The following CDKN2B-AS1 variants were observed in gnomAD, a reference collection of about 807,000 sequenced individuals.
CDKN2B-AS1 encodes CDKN2B and CDKN2A antisense cis and trans regulatory RNA 1, also known as CDKN2B antisense RNA 1 (non-protein coding).
chr9:22,095,982 C>T (rs1451343468), intron 4 of CDKN2B-AS1, among the ~76,000 whole-genome samples: 2 of 151,946 alleles, frequency 1.3e-5, no homozygotes, highest in African/African-American at 4.8e-5. Context: ...ATGTGTGTTT[C>T]TGCACATGGT....
At chr9:22,127,750 A>AG (rs2131379727) in exon 5 of CDKN2B-AS1, among the ~76,000 whole-genome samples, 1 of 152,302 alleles carries the variant, frequency 6.6e-6, no homozygotes, top group East Asian at 1.9e-4. Context: ...TTGTGGATTC[A>AG]TTGATGAGAT....
chr9:22,090,754 T>C (rs7020031), intron 4 of CDKN2B-AS1, among the ~76,000 whole-genome samples: 17,358 of 152,118 alleles, frequency 0.11, 3,355 homozygotes, highest in African/African-American at 0.4. Context: ...AGATTGCAAA[T>C]ATTTTCTCCC....
intron 2 of CDKN2B-AS1, among the ~76,000 whole-genome samples, chr9:22,048,819 T>G (rs1823216449): frequency 6.6e-6 from 1 of 152,184 alleles, no homozygotes; most frequent in East Asian, 1.9e-4. Context: ...CCTTGTCATG[T>G]TGGTGGCTGT....
chr9:22,031,675 G>A (rs1320951240), intron 1 of CDKN2B-AS1, among the ~76,000 whole-genome samples: 3 of 152,206 alleles, frequency 2.0e-5, no homozygotes, highest in Non-Finnish European at 4.4e-5. Flanking sequence ...AGATCACCAA[G>A]TTGCGGTAGG....
At chr9:22,111,578 C>T (rs72654229) in intron 4 of CDKN2B-AS1, among the ~76,000 whole-genome samples, 1 of 86,188 alleles carries the variant, frequency 1.2e-5, no homozygotes, top group Non-Finnish European at 2.0e-5. Context: ...TTCACATTAT[C>T]CATATATATG....
At chr9:22,079,373 G>C (rs868528054) in intron 4 of CDKN2B-AS1, among the ~76,000 whole-genome samples, 1 of 151,938 alleles carries the variant, frequency 6.6e-6, no homozygotes, top group Non-Finnish European at 1.5e-5. Context: ...CTGTAGTTCC[G>C]GCTACTCGGG....
intron 4 of CDKN2B-AS1, among the ~76,000 whole-genome samples, chr9:22,109,524 C>A (rs188610000): frequency 6.6e-6 from 1 of 152,196 alleles, no homozygotes; most frequent in East Asian, 1.9e-4. Flanking sequence ...ACAAACTCTG[C>A]CTTAGATTGG....
At chr9:22,019,083 A>C (rs1262002878) in intron 1 of CDKN2B-AS1, among the ~76,000 whole-genome samples, 1 of 152,216 alleles carries the variant, frequency 6.6e-6, no homozygotes, top group African/African-American at 2.4e-5. Context: ...GGGACAAAGC[A>C]AGGACATATT....
chr9:22,096,498 A>G (rs1825278680), intron 4 of CDKN2B-AS1: 2 of 152,220 alleles, frequency 1.3e-5, no homozygotes, highest in South Asian at 4.1e-4. Flanking sequence ...CAGTGCTCAA[A>G]TCCATGATCT....
intron 4 of CDKN2B-AS1, among the ~76,000 whole-genome samples, chr9:22,082,858 G>A (rs1201391664): frequency 6.6e-6 from 1 of 152,094 alleles, no homozygotes; most frequent in Non-Finnish European, 1.5e-5. Flanking sequence ...ATAATCAGGT[G>A]TAAGCCACGG....
At chr9:22,050,862 T>G (rs1229525856) in intron 3 of CDKN2B-AS1, among the ~76,000 whole-genome samples, 3 of 152,178 alleles carry the variant, frequency 2.0e-5, no homozygotes, top group Admixed American at 6.5e-5. Context: ...TGGGATCCAG[T>G]GTGTGACCTG....
chr9:22,086,785 C>T (rs72652417), intron 4 of CDKN2B-AS1, among the ~76,000 whole-genome samples: 2,273 of 152,222 alleles, frequency 0.015, 56 homozygotes, highest in African/African-American at 0.052. Context: ...CTTATTTTAT[C>T]TGGAATCTTA....
chr9:22,012,315 G>T (rs763604989), intron 1 of CDKN2B-AS1: 2 of 1,455,496 alleles, frequency 1.4e-6, no homozygotes, highest in South Asian at 2.3e-5. Context: ...GAGGATGGCC[G>T]CACTCTCTCA....
chr9:22,031,707 T>C lies in CDKN2B-AS1; in HGVS notation n.30-15044T>C, dbSNP rs1047320652. On this transcript the variant is annotated intron_variant and non_coding_transcript_variant, in intron 1 of 4. Transcript: ENST00000650946. ...TAGGTTAGCCTAAGATAGCTTTTGG[T>C]TTTCTCAGCCTTCTACTATTCACAG... 2.0e-5 allele frequency among the ~76,000 whole-genome samples: 3 copies of C among 152,110 alleles called. No individual in the cohort carries two copies. In the East Asian group the frequency reaches 5.8e-4, roughly 29 times the overall value.
At chr9:22,047,137 C>T (rs1470506040) in intron 2 of CDKN2B-AS1, among the ~76,000 whole-genome samples, 1 of 152,072 alleles carries the variant, frequency 6.6e-6, no homozygotes, top group Non-Finnish European at 1.5e-5. Context: ...CTTTCATCTC[C>T]CTCCTTTGCT....
chr9:22,020,011 TCTCC>T (rs1821950279), intron 1 of CDKN2B-AS1, among the ~76,000 whole-genome samples: 1 of 152,134 alleles, frequency 6.6e-6, no homozygotes, highest in Admixed American at 6.5e-5. Flanking sequence ...TTCCTTATTT[TCTCC>T]CTCCACCCAT....
intron 4 of CDKN2B-AS1, among the ~76,000 whole-genome samples, chr9:22,100,624 G>A (rs1198722277): frequency 5.3e-5 from 8 of 152,066 alleles, no homozygotes; most frequent in East Asian, 3.8e-4. Flanking sequence ...TGTTATAAAC[G>A]TTTATGTTTA....
intron 4 of CDKN2B-AS1, among the ~76,000 whole-genome samples, chr9:22,060,549 G>A (rs1823773042): frequency 6.6e-6 from 1 of 152,018 alleles, no homozygotes; most frequent in African/African-American, 2.4e-5. Context: ...TTCTTCTTCT[G>A]AGCCTTTCAA....
At chr9:22,121,389 AT>A (rs2131377413) in intron 4 of CDKN2B-AS1, among the ~76,000 whole-genome samples, 1 of 152,206 alleles carries the variant, frequency 6.6e-6, no homozygotes, top group Admixed American at 6.5e-5. Flanking sequence ...ACTGTACAAA[AT>A]TCATAGGGTA....
Sources: gnomAD v4.1 joint callset for allele counts (sites outside exome capture counted in the v4.1 genomes callset) on GRCh38, gnomAD v4.1.1 for gene constraint, MANE v1.5 for transcripts, NCBI Gene and HGNC (gene_info 2026-07-23, HGNC 2026-07-21) for gene names.